The following HORMAD2 variants were observed in gnomAD, a reference collection of about 807,000 sequenced individuals.
The protein encoded by HORMAD2 is HORMA domain-containing protein 2.
In HORMAD2, 45 loss-of-function variants were observed where a neutral mutation model predicts 38.8. The ratio of observed to expected loss-of-function variants is 1.16; its 90% CI spans 0.91 to 1.49. The LOEUF is 1.49. Among genes scored for constraint, HORMAD2 ranks in the 40% most tolerant of loss-of-function variants. HORMAD2 has a pLI of 0.00. For synonymous variants in HORMAD2, 126 were observed against 122.8 expected, an observed-to-expected ratio of 1.03 and a Z score of -0.17; for missense variants, 338 against 367.0, an observed-to-expected ratio of 0.92 and a Z score of 0.65.
Position 30,176,422 on chromosome 22 carries a change from CT to C in HORMAD2, c.*259del. On this transcript the variant is annotated 3_prime_UTR_variant, in exon 11 of 11. Transcript: ENST00000336726. ...CAAAGCTGGGTTAGAGATGAGGCAC[CT>C]TTTATATTATATTTGTAAAAGAACC... 5.6e-6 allele frequency: 2 copies of C among 359,858 alleles called. No individual in the cohort carries two copies. The highest frequency in any genetic ancestry group is 1.0e-5 in the Non-Finnish European group (2 of 198,346). 22.3% of individuals were successfully genotyped at this position (359,858 alleles called of 1,614,324 possible). A position where few individuals can be genotyped will look rare whatever the true frequency, so the allele number is the denominator to read the frequency against.
chr22:30,195,371 G>C, the HORMAD2 span, among the ~76,000 whole-genome samples: 67 of 152,164 alleles, frequency 4.4e-4, 1 homozygote, highest in African/African-American at 1.6e-3. Context: ...TCTCATTCAG[G>C]CTTGTCTCAT....
intron 10 of HORMAD2, among the ~76,000 whole-genome samples, chr22:30,143,805 G>T (rs752365277): frequency 2.6e-5 from 4 of 152,114 alleles, no homozygotes; most frequent in African/African-American, 4.8e-5. Context: ...TGGGTCATGG[G>T]TGCAGATCCC....
chr22:30,084,577 C>G (rs2068537728), intron 1 of HORMAD2, among the ~76,000 whole-genome samples: 1 of 151,982 alleles, frequency 6.6e-6, no homozygotes, highest in South Asian at 2.1e-4. Flanking sequence ...TTCCTTGTTC[C>G]TATAGTTCTT....
intron 10 of HORMAD2, among the ~76,000 whole-genome samples, chr22:30,168,901 T>C (rs1925944131): frequency 6.6e-6 from 1 of 152,102 alleles, no homozygotes; most frequent in South Asian, 2.1e-4. Context: ...CCTTCAGGGC[T>C]CTCCATTACA....
intron 5 of HORMAD2, among the ~76,000 whole-genome samples, chr22:30,106,153 G>T (rs2146097775): frequency 6.6e-6 from 1 of 152,218 alleles, no homozygotes; most frequent in Admixed American, 6.5e-5. Context: ...TGAGATTACA[G>T]AAATGCACCA....
intron 1 of HORMAD2, among the ~76,000 whole-genome samples, chr22:30,090,751 A>G (rs2068667035): frequency 6.6e-6 from 1 of 152,176 alleles, no homozygotes; most frequent in African/African-American, 2.4e-5. Flanking sequence ...ATTGACACAC[A>G]GTAATTGTAC....
chr22:30,173,899 C>G (rs963564275), intron 10 of HORMAD2, among the ~76,000 whole-genome samples: 6 of 152,166 alleles, frequency 3.9e-5, no homozygotes, highest in African/African-American at 1.4e-4. Flanking sequence ...GGGATCCCTT[C>G]TAAAGCTTCC....
chr22:30,175,076 A>C (rs2123747059), intron 10 of HORMAD2, among the ~76,000 whole-genome samples: 1 of 151,528 alleles, frequency 6.6e-6, no homozygotes, highest in South Asian at 2.1e-4. Context: ...TGACACTTAA[A>C]TGTTTTATTT....
intron 5 of HORMAD2, among the ~76,000 whole-genome samples, chr22:30,109,080 A>C (rs1921431768): frequency 6.9e-6 from 1 of 144,234 alleles, no homozygotes; most frequent in African/African-American, 2.6e-5. Flanking sequence ...GCTGGAGTGC[A>C]GTGGCGTGGT....
At chr22:30,091,842 C>T (rs2068693014) in intron 1 of HORMAD2, among the ~76,000 whole-genome samples, 1 of 151,798 alleles carries the variant, frequency 6.6e-6, no homozygotes. Flanking sequence ...GCATCCTTGC[C>T]AGCATTCGTT....
the HORMAD2 span, among the ~76,000 whole-genome samples, chr22:30,205,122 C>G: frequency 6.6e-6 from 1 of 152,174 alleles, no homozygotes; most frequent in South Asian, 2.1e-4. Context: ...TTGCGAGTGT[C>G]AGACACTGCG....
At chr22:30,114,388 T>G (rs1357565333) in intron 7 of HORMAD2, among the ~76,000 whole-genome samples, 2 of 152,190 alleles carry the variant, frequency 1.3e-5, no homozygotes, top group Non-Finnish European at 2.9e-5. Flanking sequence ...ATGTAACTAC[T>G]ACTGTGGTAT....
Position 30,176,458 on chromosome 22 carries a change from A to G in HORMAD2, c.*291A>G, listed in dbSNP as rs1926466691. ...TATTTGTAAAAGAACCACAGCAGCT[A>G]TTTTGGAAAGAAGCTGTTGTTCTCA... On this transcript the variant is annotated 3_prime_UTR_variant, in exon 11 of 11. Coordinates refer to ENST00000336726, the MANE Select transcript of HORMAD2 (RefSeq NM_152510.4). 6.9e-6 allele frequency: 2 copies of G among 290,832 alleles called. No homozygotes were observed. The highest frequency in any genetic ancestry group is 6.5e-5 in the South Asian group (1 of 15,316). The allele number at this position is 290,832 out of a possible 1,614,324, so 18.0% of individuals were successfully genotyped here. A position where few individuals can be genotyped will look rare whatever the true frequency, so the allele number is the denominator to read the frequency against.
At chr22:30,190,407 G>A in the HORMAD2 span, among the ~76,000 whole-genome samples, 140,127 of 152,294 alleles carry the variant, frequency 0.92, 64,554 homozygotes, top group East Asian at 1. Context: ...GAATTCCCCC[G>A]ACTACTTTCA....
At chr22:30,130,872 C>T (rs1288583417) in intron 10 of HORMAD2, among the ~76,000 whole-genome samples, 2 of 152,122 alleles carry the variant, frequency 1.3e-5, no homozygotes, top group African/African-American at 2.4e-5. Context: ...GCTGGGATTA[C>T]AGGCAAGAGC....
At chr22:30,118,666 G>T (rs770406487) in intron 7 of HORMAD2, among the ~76,000 whole-genome samples, 1 of 152,212 alleles carries the variant, frequency 6.6e-6, no homozygotes, top group Non-Finnish European at 1.5e-5. Context: ...TTACATGAAT[G>T]AATGGTTTCT....
At chr22:30,188,820 C>A in the HORMAD2 span, among the ~76,000 whole-genome samples, 5 of 152,130 alleles carry the variant, frequency 3.3e-5, no homozygotes, top group Non-Finnish European at 5.9e-5. Flanking sequence ...CCATTGCAGG[C>A]AGCTGCTGTT....
At chr22:30,203,784 G>C in the HORMAD2 span, among the ~76,000 whole-genome samples, 4 of 152,134 alleles carry the variant, frequency 2.6e-5, no homozygotes, top group Non-Finnish European at 5.9e-5. Context: ...GGCTATAAGT[G>C]CACGTGCATG....
intron 2 of HORMAD2, among the ~76,000 whole-genome samples, chr22:30,094,951 T>A (rs1465228707): frequency 2.0e-5 from 3 of 152,180 alleles, no homozygotes; most frequent in East Asian, 3.8e-4. Flanking sequence ...CAGGATCTAG[T>A]ATAAAAATGA....
Sources: gnomAD v4.1 joint callset for allele counts (sites outside exome capture counted in the v4.1 genomes callset) on GRCh38, gnomAD v4.1.1 for gene constraint, MANE v1.5 for transcripts, NCBI Gene and HGNC (gene_info 2026-07-23, HGNC 2026-07-21) for gene names.